Variants in MGAT4C observed in about 807,000 individuals in gnomAD.
MGAT4C encodes the protein MGAT4 family member C.
A neutral mutation model predicts 40.1 loss-of-function variants in MGAT4C; 19 were observed. The observed-to-expected ratio is 0.47, with a 90% confidence interval of 0.33 to 0.70. The LOEUF (loss-of-function observed/expected upper bound fraction) is 0.70. Ranked by LOEUF, MGAT4C falls within the 30% of genes least tolerant of loss-of-function variation. The pLI is 0.02. For missense variants in MGAT4C, 491 were observed against 563.2 expected (o/e 0.87, Z 1.30); for synonymous variants, 181 against 187.1 (o/e 0.97, Z 0.27).
At chr12:86,322,689 A>G (rs2136164031) in intron 4 of MGAT4C, among the ~76,000 whole-genome samples, 1 of 152,158 alleles carries the variant, frequency 6.6e-6, no homozygotes, top group East Asian at 1.9e-4. Flanking sequence ...AGGGCAATTT[A>G]GTTGCTTTGA....
At chr12:86,528,949 T>C (rs918853734) in intron 2 of MGAT4C, among the ~76,000 whole-genome samples, 12 of 151,926 alleles carry the variant, frequency 7.9e-5, no homozygotes, top group Non-Finnish European at 1.8e-4. Flanking sequence ...CCTGCACATG[T>C]ACCCCTGAAC....
At chr12:86,039,057 G>T (rs1891535455) in intron 2 of MGAT4C, among the ~76,000 whole-genome samples, 1 of 149,958 alleles carries the variant, frequency 6.7e-6, no homozygotes, top group Non-Finnish European at 1.5e-5. Flanking sequence ...TTGAATATTG[G>T]CCCCACTCTC....
Position 86,207,929 on chromosome 12 carries a change from T to C in MGAT4C, c.-57+48310A>G, listed in dbSNP as rs548647988. ...AGTTAATAAAGTATTATGGTCTTAA[T>C]TGATACTTTCAAAAATAGTAAACTA... is the stretch of plus-strand genomic sequence containing the variant. On this transcript the variant is annotated intron_variant, in intron 1 of 4. Transcript: ENST00000611864. Among the ~76,000 whole-genome samples the C allele has an allele frequency of 3.3e-5, 5 of 152,232 alleles. No homozygotes were observed. The South Asian group carries it at 6.2e-4, about 19-fold the overall frequency.
chr12:86,792,643 T>C (rs572430189), intron 1 of MGAT4C, among the ~76,000 whole-genome samples: 71 of 152,252 alleles, frequency 4.7e-4, no homozygotes, highest in Admixed American at 9.8e-4. Flanking sequence ...TTTTAAAACC[T>C]GGTTGTGGCC....
intron 1 of MGAT4C, among the ~76,000 whole-genome samples, chr12:86,202,559 C>T (rs1042354468): frequency 6.6e-6 from 1 of 151,526 alleles, no homozygotes; most frequent in Admixed American, 6.6e-5. Flanking sequence ...TGATATTTTT[C>T]ACCAGTTTGA....
At chr12:86,003,747 T>TGAAGAA (rs147837764) in intron 2 of MGAT4C, among the ~76,000 whole-genome samples, 6,174 of 151,150 alleles carry the variant, frequency 0.041, 145 homozygotes, top group Middle Eastern at 0.068. Flanking sequence ...TGAAGTTTTG[T>TGAAGAA]GAAGAAGAAG....
chr12:86,538,613 T>TC (rs1011016358), intron 2 of MGAT4C, among the ~76,000 whole-genome samples: 2 of 150,990 alleles, frequency 1.3e-5, no homozygotes, highest in Non-Finnish European at 3.0e-5. Flanking sequence ...TACTTCTTTT[T>TC]TTTTTTTTTT....
At position 86,050,836 on chromosome 12, in the gene MGAT4C, T is replaced by C. The variant is rs372280802; in HGVS notation, c.-56-1113A>G. Among the ~76,000 whole-genome samples the C allele has an allele frequency of 1.6e-4, 25 of 152,164 alleles. 1 individual carries two copies. The East Asian group carries it at 2.7e-3, about 16-fold the overall frequency. On this transcript the variant is annotated intron_variant, in intron 1 of 4. Coordinates refer to ENST00000611864, the MANE Select transcript of MGAT4C (RefSeq NM_001351288.2). ...AGTAGTAGGTATTTTGGGATTCTCATGTCACATAAACTCATTTTTTAACAT... is the reference window on the plus strand; with the variant it reads ...AGTAGTAGGTATTTTGGGATTCTCACGTCACATAAACTCATTTTTTAACAT...
chr12:86,765,516 C>T (rs879802037), intron 1 of MGAT4C, among the ~76,000 whole-genome samples: 4 of 152,034 alleles, frequency 2.6e-5, no homozygotes, highest in Middle Eastern at 3.2e-3. Context: ...ATATAGAGAA[C>T]GCCACAAAGA....
chr12:86,073,213 C>T (rs546480751), intron 1 of MGAT4C, among the ~76,000 whole-genome samples: 2 of 152,302 alleles, frequency 1.3e-5, no homozygotes, highest in South Asian at 4.1e-4. Context: ...CTCTTGTCTG[C>T]TGCCATGTAA....
At chr12:86,436,432 G>A (rs1957138566) in intron 2 of MGAT4C, among the ~76,000 whole-genome samples, 1 of 151,476 alleles carries the variant, frequency 6.6e-6, no homozygotes, top group Admixed American at 6.6e-5. Context: ...AGAGTGTGGG[G>A]GGAGAAGACC....
intron 2 of MGAT4C, among the ~76,000 whole-genome samples, chr12:86,543,219 T>G (rs1959177010): frequency 6.6e-6 from 1 of 151,692 alleles, no homozygotes. Context: ...TACATAGCAT[T>G]ATTAGTTTTA....
At chr12:86,715,723 T>C (rs947475070) in intron 2 of MGAT4C, among the ~76,000 whole-genome samples, 1 of 152,182 alleles carries the variant, frequency 6.6e-6, no homozygotes, top group Non-Finnish European at 1.5e-5. Context: ...CTCCTTTTAC[T>C]CTGTCACTAT....
At chr12:86,040,987 A>C (rs73374420) in intron 2 of MGAT4C, among the ~76,000 whole-genome samples, 12,885 of 152,074 alleles carry the variant, frequency 0.085, 1,216 homozygotes, top group African/African-American at 0.24. Context: ...ACCCTGCTTC[A>C]ACTCACCCTC....
rs894566435 is a variant in MGAT4C at position 85,972,220 on chromosome 12, T to C, written c.*7069A>G. 3.3e-5 allele frequency: 5 copies of C among 151,102 alleles called. No homozygotes were observed. In the East Asian group the frequency reaches 7.7e-4, roughly 23 times the overall value. The allele number at this position is 151,102 out of a possible 1,614,324, so 9.4% of individuals were successfully genotyped here. A position where few individuals can be genotyped will look rare whatever the true frequency, so the allele number is the denominator to read the frequency against. On this transcript the variant is annotated 3_prime_UTR_variant, in exon 5 of 5. Coordinates refer to ENST00000611864, the MANE Select transcript of MGAT4C (RefSeq NM_001351288.2). ...GATGCCACATGCAACAGAAAATGTG[T>C]CTAATTATGTTTGTTTTAGAGCTTA...
rs576611513 is a variant in MGAT4C at position 86,031,208 on chromosome 12, G to T, written c.-7+18466C>A. 1.7e-3 allele frequency among the ~76,000 whole-genome samples: 252 copies of T among 151,862 alleles called. 3 individuals carry two copies. In the Middle Eastern group the frequency reaches 0.02, roughly 12 times the overall value. On this transcript the variant is annotated intron_variant, in intron 2 of 4. Transcript: ENST00000611864. ...AAGCACTAGAATCACAGTGTGGTAA[G>T]AGGTTAAGTAGGAACTAATAATAAC...
At chr12:86,377,139 C>A (rs1484642776) in intron 3 of MGAT4C, among the ~76,000 whole-genome samples, 7 of 150,842 alleles carry the variant, frequency 4.6e-5, no homozygotes, top group Non-Finnish European at 1.0e-4. Flanking sequence ...CCGCTCACTG[C>A]AACCTCCACC....
At chr12:86,500,003 C>T (rs1363295957) in intron 2 of MGAT4C, among the ~76,000 whole-genome samples, 1 of 151,626 alleles carries the variant, frequency 6.6e-6, no homozygotes, top group Non-Finnish European at 1.5e-5. Context: ...AAAGCAGCAG[C>T]ATATGCATTC....
At chr12:86,123,258 T>A (rs1879723646) in intron 1 of MGAT4C, among the ~76,000 whole-genome samples, 1 of 152,168 alleles carries the variant, frequency 6.6e-6, no homozygotes, top group Admixed American at 6.6e-5. Flanking sequence ...CAGAGATGAT[T>A]GCAGTGTCCT....
Sources: allele counts gnomAD v4.1 joint callset (sites outside exome capture counted in the v4.1 genomes callset), GRCh38; gene constraint gnomAD v4.1.1; transcripts MANE v1.5; gene names NCBI Gene and HGNC (gene_info 2026-07-23, HGNC 2026-07-21).